SGCD: variants seen among roughly 807,000 people sequenced by gnomAD.
The protein encoded by SGCD is sarcoglycan delta.
SGCD carries 18 observed loss-of-function variants against 36.6 expected under a neutral mutation model. The observed-to-expected ratio is 0.49, with a 90% CI of 0.34 to 0.73. The LOEUF is 0.73. SGCD is among the 30% of genes least tolerant of loss of function. The probability of loss-of-function intolerance (pLI) is 0.01; values close to 1 mark genes in which losing one functional copy is unlikely to be tolerated. For missense variants in SGCD, 387 were observed against 346.7 expected (o/e 1.12, Z -0.92); for synonymous variants, 133 against 130.6 (o/e 1.02, Z -0.12).
At chr5:156,511,523 A>G (rs765035367) in intron 4 of SGCD, among the ~76,000 whole-genome samples, 53 of 152,334 alleles carry the variant, frequency 3.5e-4, no homozygotes, top group Admixed American at 1.3e-4. Flanking sequence ...AATACAATCT[A>G]AAGTCCTCAC....
At chr5:155,767,669 A>G in the SGCD span, among the ~76,000 whole-genome samples, 1 of 152,170 alleles carries the variant, frequency 6.6e-6, no homozygotes, top group Non-Finnish European at 1.5e-5. Flanking sequence ...GATATTACAC[A>G]TACCTGAAGG....
At chr5:155,762,891 G>T in the SGCD span, among the ~76,000 whole-genome samples, 16 of 152,182 alleles carry the variant, frequency 1.1e-4, no homozygotes, top group Admixed American at 3.3e-4. Flanking sequence ...GAGTACCCTG[G>T]GTAGGTTAAG....
At chr5:156,501,551 A>G (rs532531715) in intron 3 of SGCD, among the ~76,000 whole-genome samples, 2 of 152,238 alleles carry the variant, frequency 1.3e-5, no homozygotes, top group Admixed American at 6.5e-5. Flanking sequence ...AGCAAATGCC[A>G]TAGTCTTTGC....
chr5:155,788,888 A>C, the SGCD span, among the ~76,000 whole-genome samples: 1 of 152,174 alleles, frequency 6.6e-6, no homozygotes, highest in Non-Finnish European at 1.5e-5. Flanking sequence ...ATGATAGTTC[A>C]GGCCAAGAGA....
At chr5:156,383,169 C>T (rs1771074317) in intron 3 of SGCD, among the ~76,000 whole-genome samples, 1 of 152,134 alleles carries the variant, frequency 6.6e-6, no homozygotes, top group African/African-American at 2.4e-5. Context: ...ATTCTATGCT[C>T]ATCACTGGGG....
At chr5:156,121,029 G>A (rs978925737) in intron 2 of SGCD, among the ~76,000 whole-genome samples, 5 of 152,066 alleles carry the variant, frequency 3.3e-5, no homozygotes, top group Non-Finnish European at 5.9e-5. Flanking sequence ...ACAATGTTCC[G>A]CCATCTGCCC....
intron 3 of SGCD, among the ~76,000 whole-genome samples, chr5:156,316,229 A>G (rs183804765): frequency 1.2e-4 from 19 of 152,114 alleles, no homozygotes; most frequent in Admixed American, 1.2e-3. Flanking sequence ...CATCAAAAAT[A>G]TAACTAGAAA....
intron 3 of SGCD, among the ~76,000 whole-genome samples, chr5:156,316,537 C>G (rs904368160): frequency 7.9e-5 from 12 of 151,862 alleles, no homozygotes; most frequent in Non-Finnish European, 1.5e-4. Context: ...GCAGCACACT[C>G]CCTGATTTCA....
chr5:156,223,556 G>A (rs1369637204), intron 3 of SGCD, among the ~76,000 whole-genome samples: 1 of 152,092 alleles, frequency 6.6e-6, no homozygotes, highest in Non-Finnish European at 1.5e-5. Flanking sequence ...CTTCGGGTGT[G>A]TTGATTTCTT....
rs539567129 is a variant in SGCD, at chr5:156,228,884, C to T, written c.-43-100650C>T. Among the ~76,000 whole-genome samples the T allele has an allele frequency of 1.2e-4, 17 of 145,966 alleles. No homozygotes were observed. In the East Asian group the frequency reaches 1.6e-3, roughly 13 times the overall value. On this transcript the variant is annotated intron_variant, in intron 3 of 9. Coordinates refer to the SGCD transcript ENST00000517913. ...CTGTCAACTTGATTGGACTGAAGGA[C>T]GCAAAGTATCAATCCTGGGTGTATC...
At chr5:156,230,808 T>G (rs1423725755) in intron 3 of SGCD, among the ~76,000 whole-genome samples, 1 of 152,230 alleles carries the variant, frequency 6.6e-6, no homozygotes, top group East Asian at 1.9e-4. Context: ...GTGTCTTGCA[T>G]AGTGCTGAAC....
intron 7 of SGCD, among the ~76,000 whole-genome samples, chr5:156,747,485 C>G (rs548945327): frequency 2.0e-5 from 3 of 152,234 alleles, no homozygotes; most frequent in African/African-American, 7.2e-5. Flanking sequence ...TCCAAAAACA[C>G]TCTAGTGGTC....
rs183013169 is a variant in SGCD, at chr5:155,967,446, C to A, written c.-282+97022C>A. Among the ~76,000 whole-genome samples the A allele has an allele frequency of 1.7e-3, 251 of 152,064 alleles. 1 individual carries two copies. Among genetic ancestry groups the A allele is most frequent in the Non-Finnish European group, 2.8e-3 (193 of 67,964 alleles). On this transcript the variant is annotated intron_variant, in intron 1 of 9. Transcript: ENST00000517913. ...CATGGGCCTTTCTATTTGTTTGGAA[C>A]AAAATAACTGCAATTTACTAGGATG...
chr5:155,894,824 A>G (rs773430139), intron 1 of SGCD, among the ~76,000 whole-genome samples: 5 of 152,186 alleles, frequency 3.3e-5, no homozygotes, highest in Non-Finnish European at 7.3e-5. Flanking sequence ...CATTATGGTG[A>G]GTTGTATAAT....
At chr5:155,999,537 C>G (rs1758621667) in intron 1 of SGCD, among the ~76,000 whole-genome samples, 1 of 152,108 alleles carries the variant, frequency 6.6e-6, no homozygotes, top group Admixed American at 6.5e-5. Flanking sequence ...TTGCTGGGCC[C>G]TGAGTGAGGA....
At chr5:156,755,064 C>T (rs748433422) in intron 7 of SGCD, among the ~76,000 whole-genome samples, 1 of 152,156 alleles carries the variant, frequency 6.6e-6, no homozygotes, top group Non-Finnish European at 1.5e-5. Flanking sequence ...TTCATAACCC[C>T]CTCCTGGTGA....
At chr5:156,633,133 C>T (rs991068460) in intron 6 of SGCD, among the ~76,000 whole-genome samples, 31 of 152,178 alleles carry the variant, frequency 2.0e-4, no homozygotes, top group African/African-American at 7.5e-4. Context: ...TTCAACATGG[C>T]TGCCAGCCCC....
chr5:156,682,589 AG>A (rs1753761781), intron 7 of SGCD, among the ~76,000 whole-genome samples: 1 of 152,244 alleles, frequency 6.6e-6, no homozygotes, highest in African/African-American at 2.4e-5. Flanking sequence ...GGGTTAACAC[AG>A]TGACCAAGAC....
At chr5:156,344,321 G>T (rs1768826176) in intron 2 of SGCD, among the ~76,000 whole-genome samples, 168 bp from the exon 3 acceptor site, 1 of 152,204 alleles carries the variant, frequency 6.6e-6, no homozygotes, top group Admixed American at 6.5e-5. Context: ...AGCATCCAGA[G>T]AAGTCACTTT....
Sources: gnomAD v4.1 joint callset for allele counts (sites outside exome capture counted in the v4.1 genomes callset) on GRCh38, gnomAD v4.1.1 for gene constraint, MANE v1.5 for transcripts, NCBI Gene and HGNC (gene_info 2026-07-23, HGNC 2026-07-21) for gene names.